Variants in WDR90 observed in about 807,000 individuals in gnomAD.
WDR90 encodes the protein WD repeat-containing protein 90.
In WDR90, 238 loss-of-function variants were observed where a neutral mutation model predicts 195.2. That is an observed-to-expected ratio of 1.22 (90% confidence interval 1.10 to 1.36). The LOEUF is 1.36. Among genes scored for constraint, WDR90 ranks in the 40% most tolerant of loss-of-function variants. The probability of loss-of-function intolerance (pLI) is 0.00; values close to 1 mark genes in which losing one functional copy is unlikely to be tolerated. For missense variants in WDR90, 2,734 were observed against 2,439.5 expected (o/e 1.12, Z -2.54); for synonymous variants, 1,265 against 1,052.4 (o/e 1.20, Z -3.91).
chr16:651,815 G>A lies in WDR90; in HGVS notation c.841-12G>A, dbSNP rs759527817. 1.2e-6 allele frequency: 2 copies of A among 1,611,168 alleles called. No homozygotes were observed. The highest frequency in any genetic ancestry group is 1.7e-6 in the Non-Finnish European group (2 of 1,179,594). ...TGGCCCAGGACGCTGATGGGCACTT[G>A]TCCCCCAGCAGTCCGGCCGGGCCGC... On this transcript the variant is annotated splice_polypyrimidine_tract_variant and intron_variant, in intron 8 of 40. Coordinates refer to ENST00000293879, the MANE Select transcript of WDR90 (RefSeq NM_145294.5).
intron 27 of WDR90, 37 bp from the exon 28 acceptor site, chr16:660,575 C>CAGGA: frequency 1.3e-6 from 2 of 1,546,876 alleles, no homozygotes; most frequent in Non-Finnish European, 1.7e-6. Flanking sequence ...GGTGGCCATG[C>CAGGA]TGGGCCCCAG....
chr16:661,318 C>A, intron 29 of WDR90, 24 bp from the exon 30 acceptor site: 1 of 1,571,128 alleles, frequency 6.4e-7, no homozygotes, highest in Admixed American at 1.7e-5. Flanking sequence ...CCTCCCCACT[C>A]ACGCCTGGCC....
chr16:661,020 C>A, intron 28 of WDR90, 31 bp from the exon 29 acceptor site: 1 of 1,093,402 alleles, frequency 9.1e-7, no homozygotes, highest in Non-Finnish European at 1.2e-6. Flanking sequence ...CCCCCCGGCC[C>A]GGCCTCAGGC....
Position 652,028 on chromosome 16 carries a change from G to T in WDR90, c.1042G>T (p.Gly348Cys). ...GGCTGAGGTGCCCGTGGCCCGCACC[G>T]GCTCCTGCGAAGTGAGTGCCCATCC... ...ESAEVPVARTGSCEGFLPDPV... is the reference protein window; with the variant it reads ...ESAEVPVARTCSCEGFLPDPV... The change falls in exon 9 of 41, where the codon GGC (glycine) becomes TGC (cysteine). Residue 348 changes from glycine (G) to cysteine (C), a missense_variant. Coordinates refer to ENST00000293879, the MANE Select transcript of WDR90 (RefSeq NM_145294.5). 1 of 1,594,730 alleles carries T rather than the reference G, an allele frequency of 6.3e-7. No homozygotes were observed. The highest frequency in any genetic ancestry group is 8.5e-7 in the Non-Finnish European group (1 of 1,172,908).
chr16:649,581 T>A, intron 1 of WDR90, 155 bp downstream of exon 1: 1 of 1,163,698 alleles, frequency 8.6e-7, no homozygotes, highest in East Asian at 3.3e-5. Flanking sequence ...ACCCTCGGGC[T>A]CCCGGAGCTT....
intron 17 of WDR90, 51 bp downstream of exon 17, chr16:655,940 C>G (rs1272319553): frequency 2.6e-6 from 4 of 1,535,860 alleles, no homozygotes; most frequent in Non-Finnish European, 3.5e-6. Context: ...CGCCTGGATG[C>G]TGGGGCGGGG....
rs140348578 is a variant in WDR90, at chr16:652,601, G to A, written c.1122+66G>A. 546 of 1,483,102 alleles carry A rather than the reference G, an allele frequency of 3.7e-4. 1 individual carries two copies. In the African/African-American group the frequency reaches 6.8e-3, roughly 19 times the overall value. The allele number at this position is 1,483,102 out of a possible 1,614,324, so 91.9% of individuals were successfully genotyped here. A position where few individuals can be genotyped will look rare whatever the true frequency, so the allele number is the denominator to read the frequency against. ...CCGGCTCGAGCGCTGAGTACAGAAC[G>A]GGGAGAGAGGAGAGACCTATGTCCT... On this transcript the variant is annotated intron_variant, in intron 10 of 40. Coordinates refer to ENST00000293879, the MANE Select transcript of WDR90 (RefSeq NM_145294.5).
chr16:650,166 A>G lies in WDR90; in HGVS notation c.278A>G (p.Lys93Arg), dbSNP rs763228502. Residue 93 changes from lysine (K) to arginine (R), a missense_variant and splice_region_variant, in exon 3 of 41, where the codon AAG (lysine) becomes AGG (arginine). By Grantham distance (26) the Lys-to-Arg change is conservative. Coordinates refer to ENST00000293879, the MANE Select transcript of WDR90 (RefSeq NM_145294.5). ...HFVIHLDVSS[K>R]DNQVIRVSFS... ...GTCATCCACCTCGATGTGTCCTCCAAGGTACGGAGCCCGCGGCTGGGGGCT... is the reference window on the plus strand; with the variant it reads ...GTCATCCACCTCGATGTGTCCTCCAGGGTACGGAGCCCGCGGCTGGGGGCT... The G allele has an allele frequency of 3.7e-6, 6 of 1,612,498 alleles. No individual in the cohort carries two copies. In the East Asian group the frequency reaches 1.1e-4, roughly 30 times the overall value.
Position 653,370 on chromosome 16 carries a change from C to T in WDR90, c.1152C>T (p.Val384=), listed in dbSNP as rs375490902. The change falls in exon 11 of 41, where the codon GTC becomes GTT. Residue 384 remains valine, a synonymous_variant. Transcript: ENST00000293879. ...TGTGGACCCCAGACGGGGCGGCTGTCGTGTACCCCTGCCATGCGGTCATCG... is the reference window on the plus strand; with the variant it reads ...TGTGGACCCCAGACGGGGCGGCTGTTGTGTACCCCTGCCATGCGGTCATCG... ...QALWTPDGAA[V]VYPCHAVIVV... The T allele has an allele frequency of 1.3e-5, 20 of 1,593,388 alleles. No individual in the cohort carries two copies. Among genetic ancestry groups the T allele is most frequent in the Admixed American group, 1.8e-5 (1 of 55,124 alleles).
rs114236636 is a variant in WDR90 at position 656,763 on chromosome 16, C to G, written c.2234C>G (p.Pro745Arg). 19 of 1,613,242 alleles carry G rather than the reference C, an allele frequency of 1.2e-5. No homozygotes were observed. Among genetic ancestry groups the G allele is most frequent in the Non-Finnish European group, 1.4e-5 (17 of 1,179,968 alleles). The change falls in exon 19 of 41, where the codon CCG becomes CGG. Residue 745 changes from proline to arginine, a missense_variant. Coordinates refer to ENST00000293879, the MANE Select transcript of WDR90 (RefSeq NM_145294.5). ...GACTTCACATCATCAGAGGACGCCC[C>G]GTGCGCTGTCACCTTCCACCCCACA... ...LYDFTSSEDA[P>R]CAVTFHPTRP...
At position 656,389 on chromosome 16, in the gene WDR90, T is replaced by C. The variant is rs1183605593; in HGVS notation, c.2054T>C (p.Leu685Pro). Residue 685 changes from leucine (L) to proline (P), a missense_variant, in exon 18 of 41, where the codon CTG (leucine) becomes CCG (proline). Physicochemically the swap from Leu to Pro is moderately conservative, Grantham distance 98. Coordinates refer to ENST00000293879, the MANE Select transcript of WDR90 (RefSeq NM_145294.5). ...SATSSGHLGF[L>P]DTLSRVYHML... ...ACCTCCTCGGGCCACCTGGGCTTCC[T>C]GGACACGCTGTCCCGGGTGTACCAC... The C allele has an allele frequency of 6.2e-7, 1 of 1,608,354 alleles. No homozygotes were observed. The highest frequency in any genetic ancestry group is 8.5e-7 in the Non-Finnish European group (1 of 1,179,204).
chr16:653,447 A>G lies in WDR90; in HGVS notation c.1229A>G (p.Asp410Gly), dbSNP rs746347037. The change falls in exon 11 of 41, where the codon GAC becomes GGC. Residue 410 changes from aspartate to glycine, a missense_variant. Coordinates refer to ENST00000293879, the MANE Select transcript of WDR90 (RefSeq NM_145294.5). The part of the protein sequence containing the change: ...GEQRFFLGHT[D>G]KVSALALDGS... ...CAGCGCTTCTTCCTTGGCCACACAG[A>G]CAAGGTGGGTGCTGCCCGGGCCTGG... The G allele has an allele frequency of 6.2e-7, 1 of 1,612,220 alleles. No individual in the cohort carries two copies. Among genetic ancestry groups the G allele is most frequent in the African/African-American group, 1.3e-5 (1 of 74,886 alleles).
rs11639623 is a variant in WDR90, at chr16:659,144, G to T, written c.3052+18G>T. ...CAAGACAGGTGAGTGGCTGTGCTCA[G>T]CTGGGGTGCAGGTGCTGCGCTGACT... On this transcript the variant is annotated intron_variant, in intron 25 of 40. Transcript: ENST00000293879. 4 of 1,611,146 alleles carry T rather than the reference G, an allele frequency of 2.5e-6. No individual in the cohort carries two copies. Among genetic ancestry groups the T allele is most frequent in the Non-Finnish European group, 3.4e-6 (4 of 1,179,806 alleles).
At chr16:658,845 C>T in intron 23 of WDR90, 51 bp from the exon 24 acceptor site, 1 of 1,599,620 alleles carries the variant, frequency 6.3e-7, no homozygotes, top group Non-Finnish European at 8.5e-7. Flanking sequence ...GGGCACACGG[C>T]AGCATCCATG....
chr16:651,698 C>T lies in WDR90; in HGVS notation c.791C>T (p.Pro264Leu), dbSNP rs766157441. The change falls in exon 8 of 41, where the codon CCT becomes CTT. Residue 264 changes from proline to leucine, a missense_variant. By Grantham distance (98) the Pro-to-Leu change is moderately conservative. Transcript: ENST00000293879. The part of the protein sequence containing the change: ...PLPCPVASSK[P>L]VRFSVSPVVQ... ...CCTTGCCCGGTGGCCTCCAGCAAAC[C>T]TGTGCGGTTCAGTGTGTCTCCAGTG... is the stretch of plus-strand genomic sequence containing the variant. 1 of 1,613,106 alleles carries T rather than the reference C, an allele frequency of 6.2e-7. No individual in the cohort carries two copies. The highest frequency in any genetic ancestry group is 1.3e-5 in the African/African-American group (1 of 75,052).
intron 25 of WDR90, 59 bp from the exon 26 acceptor site, chr16:659,186 G>A (rs1290783338): frequency 1.2e-6 from 2 of 1,610,378 alleles, no homozygotes; most frequent in African/African-American, 2.7e-5. Context: ...CCCGTCCTGT[G>A]TCTGCCTAGT....
intron 13 of WDR90, 81 bp downstream of exon 13, chr16:653,884 C>T: frequency 6.5e-7 from 1 of 1,536,594 alleles, no homozygotes; most frequent in Non-Finnish European, 8.9e-7. Flanking sequence ...TTTTCTGAAA[C>T]TCCAGCTTCA....
intron 31 of WDR90, 47 bp from the exon 32 acceptor site, chr16:661,844 G>T: frequency 6.3e-7 from 1 of 1,591,068 alleles, no homozygotes; most frequent in Non-Finnish European, 8.6e-7. Flanking sequence ...GAATCTGCCT[G>T]GGCCCCGGGA....
Position 667,420 on chromosome 16 carries a change from G to A in WDR90, c.5090-12G>A, listed in dbSNP as rs769664757. On this transcript the variant is annotated splice_polypyrimidine_tract_variant and intron_variant, in intron 40 of 40. Coordinates refer to ENST00000293879, the MANE Select transcript of WDR90 (RefSeq NM_145294.5). Reference sequence around the variant, plus strand: ...GTCCTGGCCCTGGCCCACCTGCACCGTCTACCCACAGAGTGCATGCTGAGG... The same window carrying A: ...GTCCTGGCCCTGGCCCACCTGCACCATCTACCCACAGAGTGCATGCTGAGG... The A allele has an allele frequency of 2.8e-5, 45 of 1,588,882 alleles. No homozygotes were observed. The highest frequency in any genetic ancestry group is 5.1e-5 in the Admixed American group (3 of 59,396).
Sources: allele counts gnomAD v4.1 joint callset, GRCh38; gene constraint gnomAD v4.1.1; transcripts MANE v1.5; gene names NCBI Gene and HGNC (gene_info 2026-07-23, HGNC 2026-07-21).